DHX30: variants seen among roughly 807,000 people sequenced by gnomAD.
DHX30 encodes the protein DExH-box helicase 30.
DHX30 carries 4 observed loss-of-function variants against 116.9 expected under a neutral mutation model. The ratio of observed to expected loss-of-function variants is 0.03; its 90% CI spans 0.02 to 0.08. The LOEUF is 0.08. Ranked by LOEUF, DHX30 falls within the 10% of genes least tolerant of loss-of-function variation. The pLI is 1.00. For missense variants in DHX30, 871 were observed against 1,595.1 expected, an observed-to-expected ratio of 0.55 and a Z score of 7.73; for synonymous variants, 697 against 651.7, an observed-to-expected ratio of 1.07 and a Z score of -1.06.
chr3:47,849,813 TCCTCCGGGG>T (rs769060515), intron 21 of DHX30, 44 bp downstream of exon 21: 1 of 1,607,908 alleles, frequency 6.2e-7, no homozygotes, highest in Non-Finnish European at 8.5e-7. Flanking sequence ...CTGCAGCTGC[TCCTCCGGGG>T]CCTGGCCTCA....
chr3:47,818,311 C>A (rs972273000), intron 4 of DHX30, among the ~76,000 whole-genome samples, 194 bp downstream of exon 4: 6 of 152,188 alleles, frequency 3.9e-5, no homozygotes, highest in Non-Finnish European at 5.9e-5. Flanking sequence ...TCCCTTGACT[C>A]ATGGCCTGGA....
At chr3:47,843,039 T>G in intron 8 of DHX30, 67 bp from the exon 9 acceptor site, 38 of 1,577,912 alleles carry the variant, frequency 2.4e-5, no homozygotes, top group Non-Finnish European at 3.3e-5. Context: ...CTTGGCATTC[T>G]GAGAATGCCC....
At chr3:47,829,354 T>C (rs1391512973) in intron 6 of DHX30, among the ~76,000 whole-genome samples, 1 of 144,408 alleles carries the variant, frequency 6.9e-6, no homozygotes, top group African/African-American at 2.5e-5. Context: ...TTTTTTTTTT[T>C]TTCCTTTGAG....
At position 47,848,519 on chromosome 3, in the gene DHX30, G is replaced by T. The variant is rs1486577063; in HGVS notation, c.2544G>T (p.Val848=). 1 of 1,614,066 alleles carries T rather than the reference G, an allele frequency of 6.2e-7. No homozygotes were observed. The highest frequency in any genetic ancestry group is 2.2e-5 in the East Asian group (1 of 44,860). ...TGGACAGTCCAAACATCAAGGCAGT[G>T]GACGAGGCTGTGATCTTGCTCCAGG... ...KAVDSPNIKA[V]DEAVILLQEI... is the part of the protein sequence containing the mutation. Residue 848 remains valine, a synonymous_variant, in exon 16 of 22, where the codon GTG becomes GTT. Transcript: ENST00000445061. The surrounding 1 kb of genome is among the most constrained non-coding windows in gnomAD (Gnocchi z 9.4).
intron 6 of DHX30, among the ~76,000 whole-genome samples, chr3:47,833,522 ACTCT>A (rs796828596): frequency 3.9e-5 from 4 of 102,192 alleles, no homozygotes; most frequent in Non-Finnish European, 7.3e-5. Flanking sequence ...GCAAAGCAGG[ACTCT>A]CTCTCTCTCT....
chr3:47,816,356 C>T (rs372573534), intron 3 of DHX30: 1,778 of 923,956 alleles, frequency 1.9e-3, no homozygotes, highest in African/African-American at 2.4e-3. Context: ...GAGCCGTCTT[C>T]TTTTTTTTTT....
chr3:47,842,316 TACGAA>T (rs2037413255), intron 8 of DHX30: 1 of 153,178 alleles, frequency 6.5e-6, no homozygotes, highest in Non-Finnish European at 1.5e-5. Context: ...ACTGATAAGG[TACGAA>T]CACCAACAAT....
chr3:47,847,511 C>T lies in DHX30; in HGVS notation c.2085C>T (p.His695=), dbSNP rs781113005. Residue 695 remains histidine (H), a synonymous_variant, in exon 13 of 22, where the codon CAC becomes CAT. Transcript: ENST00000445061. This position sits in a 1 kb window ranked among gnomAD's most constrained non-coding sequence, Gnocchi z 5.5. ...QQRLQEALGM[H]ESKYLILPVH... ...GCCTCCAGGAGGCCCTGGGCATGCA[C>T]GAGAGCAAGTACCTCATCCTGCCAG... is the stretch of plus-strand genomic sequence containing the variant. The T allele has an allele frequency of 1.1e-5, 17 of 1,611,270 alleles. No homozygotes were observed. The East Asian group carries it at 2.7e-4, about 25-fold the overall frequency.
intron 4 of DHX30, 54 bp downstream of exon 4, chr3:47,818,171 G>A: frequency 1.3e-6 from 1 of 750,028 alleles, no homozygotes. Context: ...CTGTGGGGAG[G>A]TGGGTGGCAA....
chr3:47,834,135 G>A lies in DHX30; in HGVS notation c.366+5001G>A, dbSNP rs1368550637. 2.6e-5 allele frequency among the ~76,000 whole-genome samples: 4 copies of A among 151,840 alleles called. No individual in the cohort carries two copies. The South Asian group carries it at 6.2e-4, about 24-fold the overall frequency. ...TGTTTTGTTTTTGAGACCAAGTCTC[G>A]GCCTGTTGCCCAGGCTAGAGTGCAG... On this transcript the variant is annotated intron_variant, in intron 6 of 21. Transcript: ENST00000445061.
intron 4 of DHX30, among the ~76,000 whole-genome samples, chr3:47,824,412 T>C (rs2036442951): frequency 6.6e-6 from 1 of 152,196 alleles, no homozygotes; most frequent in Non-Finnish European, 1.5e-5. Context: ...TTAAATCTGT[T>C]TCCTGAAGAG....
intron 4 of DHX30, among the ~76,000 whole-genome samples, chr3:47,822,771 C>T (rs2036354865): frequency 6.6e-6 from 1 of 151,380 alleles, no homozygotes; most frequent in Admixed American, 6.6e-5. Flanking sequence ...GGTGACAGAA[C>T]AAGACTCTGT....
At chr3:47,824,222 C>G (rs969759369) in intron 4 of DHX30, among the ~76,000 whole-genome samples, 1 of 151,892 alleles carries the variant, frequency 6.6e-6, no homozygotes, top group African/African-American at 2.4e-5. Flanking sequence ...AGGCTGGTCT[C>G]GAACTCCTGA....
intron 9 of DHX30, among the ~76,000 whole-genome samples, chr3:47,844,112 G>T (rs1331678399): frequency 6.6e-6 from 1 of 152,200 alleles, no homozygotes; most frequent in Non-Finnish European, 1.5e-5. Context: ...ACCCATGTTG[G>T]TGGAGGTTTA....
chr3:47,836,971 T>C (rs1489996406), intron 6 of DHX30, among the ~76,000 whole-genome samples: 1 of 152,198 alleles, frequency 6.6e-6, no homozygotes, highest in Non-Finnish European at 1.5e-5. Context: ...AAATCAGATG[T>C]CTTTTTCTGC....
chr3:47,811,420 G>A (rs1473393987), intron 3 of DHX30, among the ~76,000 whole-genome samples: 2 of 152,056 alleles, frequency 1.3e-5, no homozygotes, highest in East Asian at 1.9e-4. Flanking sequence ...TAGATTGGAA[G>A]CTCCCTGTAG....
rs374750087 is a variant in DHX30 at position 47,835,015 on chromosome 3, A to G, written c.367-5862A>G. Among the ~76,000 whole-genome samples, 10 of 150,190 alleles carry G rather than the reference A, an allele frequency of 6.7e-5. No individual in the cohort carries two copies. In the East Asian group the frequency reaches 1.8e-3, roughly 27 times the overall value. ...TTCTTTATTTTTTATTTTATTTTTT[A>G]TTTTTTGAGATGGAGTCTTGCTCTG... On this transcript the variant is annotated intron_variant, in intron 6 of 21. Transcript: ENST00000445061.
chr3:47,845,658 G>A (rs1180577510), intron 9 of DHX30, 42 bp from the exon 10 acceptor site: 1 of 1,488,858 alleles, frequency 6.7e-7, no homozygotes, highest in Non-Finnish European at 9.0e-7. Flanking sequence ...GGTTTTTGGG[G>A]AGCCCCAGAG....
intron 5 of DHX30, among the ~76,000 whole-genome samples, chr3:47,828,129 G>A (rs2036631182): frequency 6.6e-6 from 1 of 151,832 alleles, no homozygotes; most frequent in South Asian, 2.1e-4. Context: ...CAAAATTGTG[G>A]GAGACACCAC....
Sources: allele counts gnomAD v4.1 joint callset (sites outside exome capture counted in the v4.1 genomes callset), GRCh38; gene constraint gnomAD v4.1.1; non-coding constraint Gnocchi (gnomAD v3.1); transcripts MANE v1.5; gene names NCBI Gene and HGNC (gene_info 2026-07-23, HGNC 2026-07-21).